SOX5: variants seen among roughly 807,000 people sequenced by gnomAD.
SOX5 encodes the protein SRY-box transcription factor 5.
In SOX5, 9 loss-of-function variants were observed where a neutral mutation model predicts 92.0. The observed-to-expected ratio is 0.10, with a 90% CI of 0.06 to 0.17. The LOEUF is 0.17. Ranked by LOEUF, SOX5 falls within the 10% of genes least tolerant of loss-of-function variation. SOX5 has a pLI of 1.00. For synonymous variants in SOX5, 344 were observed against 336.3 expected, an observed-to-expected ratio of 1.02 and a Z score of -0.25; for missense variants, 642 against 944.5, an observed-to-expected ratio of 0.68 and a Z score of 4.20.
chr12:24,232,246 C>G (rs563953941), intron 3 of SOX5, among the ~76,000 whole-genome samples: 2 of 152,290 alleles, frequency 1.3e-5, no homozygotes, highest in East Asian at 3.9e-4. Flanking sequence ...TCTATTCACA[C>G]AATATTCTCT....
intron 4 of SOX5, among the ~76,000 whole-genome samples, chr12:24,107,656 G>T (rs899271240): frequency 6.6e-6 from 1 of 152,202 alleles, no homozygotes; most frequent in African/African-American, 2.4e-5. Context: ...TTTAAAAGGA[G>T]TTCCTGCATC....
chr12:23,646,478 AAAT>A (rs1263266838), intron 7 of SOX5, among the ~76,000 whole-genome samples: 2 of 152,176 alleles, frequency 1.3e-5, no homozygotes, highest in Non-Finnish European at 2.9e-5. Context: ...GAATTTCTTC[AAAT>A]AAGACAACAA....
intron 4 of SOX5, among the ~76,000 whole-genome samples, chr12:24,171,208 GTT>G (rs1173228023): frequency 3.0e-5 from 1 of 33,096 alleles, no homozygotes; most frequent in Non-Finnish European, 5.4e-5. Context: ...TTGGCCAACA[GTT>G]TTTTTTGTTT....
At chr12:24,426,330 G>A (rs190370221) in intron 1 of SOX5, among the ~76,000 whole-genome samples, 1 of 152,268 alleles carries the variant, frequency 6.6e-6, no homozygotes, top group Non-Finnish European at 1.5e-5. Flanking sequence ...ACCTGGGGGA[G>A]GGATAGCATT....
intron 3 of SOX5, among the ~76,000 whole-genome samples, chr12:23,809,202 G>A (rs7304352): frequency 0.014 from 2,114 of 152,166 alleles, 59 homozygotes; most frequent in African/African-American, 0.048. Flanking sequence ...ATATCCAGAA[G>A]GAAACATGTT....
intron 1 of SOX5, among the ~76,000 whole-genome samples, chr12:23,940,684 T>C (rs529696951): frequency 6.0e-5 from 9 of 149,910 alleles, no homozygotes; most frequent in African/African-American, 2.2e-4. Flanking sequence ...ATGAAGATAC[T>C]GGCAAATATA....
At chr12:24,225,772 T>C (rs1190427743) in intron 3 of SOX5, among the ~76,000 whole-genome samples, 1 of 152,212 alleles carries the variant, frequency 6.6e-6, no homozygotes, top group East Asian at 1.9e-4. Flanking sequence ...TTTGCATAGA[T>C]ACTATATCCC....
At chr12:24,130,199 G>A (rs1949513278) in intron 4 of SOX5, among the ~76,000 whole-genome samples, 1 of 152,166 alleles carries the variant, frequency 6.6e-6, no homozygotes, top group South Asian at 2.1e-4. Context: ...GCAGTGATGT[G>A]AAAATACATA....
At chr12:23,545,086 T>G (rs1021389428) in intron 12 of SOX5, among the ~76,000 whole-genome samples, 2 of 152,234 alleles carry the variant, frequency 1.3e-5, no homozygotes, top group African/African-American at 4.8e-5. Flanking sequence ...TCAGTTTTGA[T>G]AGAATTACGT....
intron 3 of SOX5, among the ~76,000 whole-genome samples, chr12:24,222,157 T>TC (rs1275863497): frequency 3.9e-5 from 6 of 152,028 alleles, no homozygotes; most frequent in South Asian, 4.2e-4. Context: ...GCTCCTCTTT[T>TC]CCCCCCCACC....
At chr12:24,550,292 G>A (rs1181929597) in intron 1 of SOX5, among the ~76,000 whole-genome samples, 2 of 152,196 alleles carry the variant, frequency 1.3e-5, no homozygotes, top group Admixed American at 6.5e-5. Flanking sequence ...GGGAGGAAAC[G>A]ATTCTTGGTG....
chr12:23,564,388 G>A (rs1237918256), intron 10 of SOX5, among the ~76,000 whole-genome samples: 1 of 151,914 alleles, frequency 6.6e-6, no homozygotes, highest in Non-Finnish European at 1.5e-5. Flanking sequence ...TTTTAACTAG[G>A]GCATAAAATG....
chr12:24,292,400 A>G (rs1565841976), intron 2 of SOX5, among the ~76,000 whole-genome samples: 1 of 152,234 alleles, frequency 6.6e-6, no homozygotes, highest in Non-Finnish European at 1.5e-5. Context: ...ATGCTTTTCA[A>G]TATTTAAAAA....
Position 23,543,224 on chromosome 12 carries a change from G to A in SOX5, c.1758C>T (p.Ile586=). The A allele has an allele frequency of 6.2e-7, 1 of 1,612,962 alleles. No individual in the cohort carries two copies. Among genetic ancestry groups the A allele is most frequent in the Non-Finnish European group, 8.5e-7 (1 of 1,179,218 alleles). ...TGGTTTTCTTACCCAATATCTTGCT[G>A]ATGTTGGAGTTGTGCATGTCAGGAA... ...QAFPDMHNSN[I]SKILGSRWKA... is the part of the protein sequence containing the mutation. The change falls in exon 13 of 15, where the codon ATC becomes ATT. Residue 586 remains isoleucine (I), a synonymous_variant. Transcript: ENST00000451604.
intron 4 of SOX5, among the ~76,000 whole-genome samples, chr12:24,175,117 T>A (rs1374919553): frequency 1.3e-5 from 2 of 152,234 alleles, no homozygotes; most frequent in Admixed American, 1.3e-4. Context: ...TTAGTTATAT[T>A]TGGAATCATA....
intron 4 of SOX5, among the ~76,000 whole-genome samples, chr12:24,143,605 T>C (rs905299610): frequency 1.3e-5 from 2 of 151,860 alleles, no homozygotes; most frequent in African/African-American, 4.8e-5. Context: ...ATTTATAACA[T>C]AATAACAGGT....
chr12:24,028,060 T>C (rs1955076523), intron 4 of SOX5, among the ~76,000 whole-genome samples: 1 of 152,002 alleles, frequency 6.6e-6, no homozygotes, highest in South Asian at 2.1e-4. Flanking sequence ...TAGAAAATAG[T>C]ATTCTATGAC....
At chr12:23,614,406 G>A (rs1175251068) in intron 8 of SOX5, among the ~76,000 whole-genome samples, 1 of 152,210 alleles carries the variant, frequency 6.6e-6, no homozygotes, top group African/African-American at 2.4e-5. Flanking sequence ...CTGGGGCAAT[G>A]CTGGAAGAGA....
At chr12:24,351,000 G>A (rs1954012687) in intron 2 of SOX5, among the ~76,000 whole-genome samples, 1 of 152,170 alleles carries the variant, frequency 6.6e-6, no homozygotes, top group Non-Finnish European at 1.5e-5. Context: ...GGAGGTTGCA[G>A]TGAGCTGAGT....
Sources: gnomAD v4.1 joint callset for allele counts (sites outside exome capture counted in the v4.1 genomes callset) on GRCh38, gnomAD v4.1.1 for gene constraint, MANE v1.5 for transcripts, NCBI Gene and HGNC (gene_info 2026-07-23, HGNC 2026-07-21) for gene names.